The following UBR3 variants were observed in gnomAD, a reference collection of about 807,000 sequenced individuals.
UBR3 encodes E3 ubiquitin-protein ligase UBR3.
In UBR3, 85 loss-of-function variants were observed where a neutral mutation model predicts 243.2. That is an observed-to-expected ratio of 0.35 (90% CI 0.29 to 0.42). The LOEUF is 0.42. Ranked by LOEUF, UBR3 falls within the 10% of genes least tolerant of loss-of-function variation. UBR3 has a pLI of 1.00. For missense variants in UBR3, 1,686 were observed against 2,300.8 expected (o/e 0.73, Z 5.47); for synonymous variants, 748 against 799.8 (o/e 0.94, Z 1.09).
At chr2:170,043,763 C>A (rs199539183) in intron 32 of UBR3, among the ~76,000 whole-genome samples, 1 of 152,154 alleles carries the variant, frequency 6.6e-6, no homozygotes, top group East Asian at 1.9e-4. Flanking sequence ...AGGTATTTAG[C>A]AGTCATTAAA....
chr2:169,850,095 G>A (rs1463309146), intron 1 of UBR3, among the ~76,000 whole-genome samples: 1 of 150,862 alleles, frequency 6.6e-6, no homozygotes, highest in East Asian at 2.0e-4. Context: ...GAGTTTCACA[G>A]TGGACACACT....
chr2:169,880,442 C>T (rs1416651408), intron 5 of UBR3, among the ~76,000 whole-genome samples: 14 of 152,196 alleles, frequency 9.2e-5, no homozygotes, highest in Non-Finnish European at 1.9e-4. Flanking sequence ...ATCTTCAACA[C>T]AGATGCCTTC....
intron 28 of UBR3, among the ~76,000 whole-genome samples, 185 bp from the exon 29 acceptor site, chr2:170,008,619 T>C (rs2089992578): frequency 6.6e-6 from 1 of 152,138 alleles, no homozygotes; most frequent in Non-Finnish European, 1.5e-5. Flanking sequence ...AAAAGATCAC[T>C]GTTTAGAGAG....
intron 1 of UBR3, among the ~76,000 whole-genome samples, chr2:169,846,709 C>CAA (rs58234876): frequency 0.051 from 5,799 of 114,652 alleles, 145 homozygotes; most frequent in Middle Eastern, 0.066. Context: ...GACTCTGTCT[C>CAA]AAAAAAAAAA....
chr2:170,069,825 C>G (rs766315715), intron 35 of UBR3, among the ~76,000 whole-genome samples: 13 of 151,978 alleles, frequency 8.6e-5, no homozygotes, highest in Non-Finnish European at 1.9e-4. Context: ...GTTCCCCCCC[C>G]AGATACTAAG....
intron 1 of UBR3, among the ~76,000 whole-genome samples, chr2:169,857,389 C>T (rs2082923498): frequency 6.6e-6 from 1 of 151,466 alleles, no homozygotes; most frequent in Admixed American, 6.6e-5. Flanking sequence ...TGAGGTCTTA[C>T]TTTATGTAAT....
chr2:169,929,460 C>T (rs955631834), intron 18 of UBR3, among the ~76,000 whole-genome samples: 5 of 152,016 alleles, frequency 3.3e-5, no homozygotes, highest in African/African-American at 9.7e-5. Context: ...CCTGTAATCC[C>T]AGCTACTCGG....
chr2:169,827,974 G>C lies in UBR3; in HGVS notation c.467G>C (p.Gly156Ala), dbSNP rs1414901764. 1 of 1,462,916 alleles carries C rather than the reference G, an allele frequency of 6.8e-7. No homozygotes were observed. Among genetic ancestry groups the C allele is most frequent in the African/African-American group, 1.5e-5 (1 of 68,930 alleles). The allele number at this position is 1,462,916 out of a possible 1,614,324, so 90.6% of individuals were successfully genotyped here. Residue 156 changes from glycine to alanine, a missense_variant, in exon 1 of 39, where the codon GGA becomes GCA. Coordinates refer to ENST00000272793, the MANE Select transcript of UBR3 (RefSeq NM_172070.4). ...AECFHQGDHT[G>A]HDFNMFRSQA... ...TGCTTCCACCAGGGCGACCACACCG[G>C]ACACGACTTCAACATGTTCCGCAGC...
At chr2:169,990,743 A>ACACACACACACACACACG (rs1283427385) in intron 25 of UBR3, among the ~76,000 whole-genome samples, 6 of 148,450 alleles carry the variant, frequency 4.0e-5, no homozygotes, top group South Asian at 4.3e-4. Flanking sequence ...ACACACACAC[A>ACACACACACACACACACG]CACACATAAA....
At chr2:169,964,843 G>A (rs757069454) in intron 24 of UBR3, 63 of 456,610 alleles carry the variant, frequency 1.4e-4, no homozygotes, top group African/African-American at 8.0e-4. Flanking sequence ...CAGGGCACAG[G>A]AAGAACAATT....
chr2:169,902,312 C>G (rs920352723), intron 8 of UBR3, among the ~76,000 whole-genome samples: 2 of 152,182 alleles, frequency 1.3e-5, no homozygotes, highest in African/African-American at 4.8e-5. Context: ...TGTTGTCACT[C>G]TCCTTCAGTC....
At chr2:169,828,454 G>A (rs1573986699) in intron 1 of UBR3, among the ~76,000 whole-genome samples, 1 of 152,252 alleles carries the variant, frequency 6.6e-6, no homozygotes, top group East Asian at 1.9e-4. Flanking sequence ...TTGTGATTTG[G>A]ATTGGCTGGG....
chr2:169,909,761 T>TC, intron 10 of UBR3, among the ~76,000 whole-genome samples: 1 of 141,950 alleles, frequency 7.0e-6, no homozygotes, highest in African/African-American at 2.7e-5. Flanking sequence ...ATATATATCT[T>TC]GAAACATCAC....
rs78215042 is a variant in UBR3, at chr2:169,891,444, A to T, written c.1105+213A>T. Among the ~76,000 whole-genome samples the T allele has an allele frequency of 7.9e-3, 1,208 of 152,220 alleles. 17 individuals are homozygous for T. The highest frequency in any genetic ancestry group is 0.028 in the African/African-American group (1,146 of 41,528). On this transcript the variant is annotated intron_variant, in intron 6 of 38. Coordinates refer to ENST00000272793, the MANE Select transcript of UBR3 (RefSeq NM_172070.4). The stretch of plus-strand genomic sequence containing the variant: ...TTATTTTCATCATAAAATATGCATT[A>T]TCATATTTGAGTCCCCCCCAAAAGG...
intron 1 of UBR3, among the ~76,000 whole-genome samples, chr2:169,852,620 A>G (rs979804690): frequency 6.6e-6 from 1 of 151,540 alleles, no homozygotes; most frequent in Non-Finnish European, 1.5e-5. Context: ...ACGCAGGCGG[A>G]TCACTTGAGG....
At chr2:169,846,993 C>T (rs190298903) in intron 1 of UBR3, among the ~76,000 whole-genome samples, 1 of 152,110 alleles carries the variant, frequency 6.6e-6, no homozygotes, top group Non-Finnish European at 1.5e-5. Context: ...GCCCCTTGGC[C>T]TTTCAAAGTG....
rs577862928 is a variant in UBR3 at position 169,876,981 on chromosome 2, G to A, written c.845-513G>A. Among the ~76,000 whole-genome samples, 6 of 152,230 alleles carry A rather than the reference G, an allele frequency of 3.9e-5. No individual in the cohort carries two copies. The South Asian group carries it at 1.2e-3, about 32-fold the overall frequency. ...TAAGTTTTTGTGTTGTATCGCCTAG[G>A]ATTTTCTAATATACAGCTTAAGTTA... On this transcript the variant is annotated intron_variant, in intron 3 of 38. Transcript: ENST00000272793.
At chr2:170,014,680 C>T (rs1315937308) in intron 29 of UBR3, 2 of 152,084 alleles carry the variant, frequency 1.3e-5, no homozygotes, top group Non-Finnish European at 2.9e-5. Flanking sequence ...TGATGGTTAG[C>T]CATATCAGTA....
chr2:169,871,069 A>G (rs2083423036), intron 1 of UBR3, among the ~76,000 whole-genome samples: 1 of 151,622 alleles, frequency 6.6e-6, no homozygotes, highest in Admixed American at 6.6e-5. Context: ...CTTCCCTTCT[A>G]CTTATTTCTA....
Sources: allele counts gnomAD v4.1 joint callset (sites outside exome capture counted in the v4.1 genomes callset), GRCh38; gene constraint gnomAD v4.1.1; transcripts MANE v1.5; gene names NCBI Gene and HGNC (gene_info 2026-07-23, HGNC 2026-07-21).